CFAP251: variants seen among roughly 807,000 people sequenced by gnomAD.
CFAP251 encodes the protein cilia and flagella associated protein 251, also known as cilia- and flagella-associated protein 251.
In CFAP251, 93 loss-of-function variants were observed where a neutral mutation model predicts 126.7. The observed-to-expected ratio is 0.73, with a 90% CI of 0.62 to 0.87. The LOEUF (loss-of-function observed/expected upper bound fraction) is 0.87. CFAP251 is among the 40% of genes least tolerant of loss of function. The pLI, the probability that CFAP251 is intolerant of heterozygous loss-of-function variation, is 0.00. For missense variants in CFAP251, 1,287 were observed against 1,389.2 expected, an observed-to-expected ratio of 0.93 and a Z score of 1.17; for synonymous variants, 503 against 506.9, an observed-to-expected ratio of 0.99 and a Z score of 0.10.
In CFAP251 at chr12:121,989,716, G is replaced by A. The variant is rs1038596037; in HGVS notation, c.3007-10000G>A. On this transcript the variant is annotated intron_variant, in intron 19 of 21. Coordinates refer to ENST00000288912, the MANE Select transcript of CFAP251 (RefSeq NM_144668.6). This position sits in a 1 kb window ranked among gnomAD's most constrained non-coding sequence, Gnocchi z 4.2. ...GGGTATTGTGCGTTGGGAAGAGGGC[G>A]TGGGGAAGAGGGTGAGTGCTCCCAG... is the stretch of plus-strand genomic sequence containing the variant. Among the ~76,000 whole-genome samples, 11 of 152,136 alleles carry A rather than the reference G, an allele frequency of 7.2e-5. No homozygotes were observed. The highest frequency in any genetic ancestry group is 9.7e-5 in the African/African-American group (4 of 41,416).
intron 20 of CFAP251, 58 bp from the exon 21 acceptor site, chr12:122,001,439 T>G (rs1883147143): frequency 2.2e-6 from 3 of 1,366,974 alleles, no homozygotes; most frequent in Admixed American, 3.4e-5. Flanking sequence ...CGCTAAGCCC[T>G]GACAGTATGC....
At chr12:121,972,582 G>A (rs972161042) in intron 17 of CFAP251, among the ~76,000 whole-genome samples, 21 of 151,380 alleles carry the variant, frequency 1.4e-4, no homozygotes, top group Admixed American at 1.1e-3. Flanking sequence ...TCCACCTCCC[G>A]GGTTCAAGTG....
chr12:121,955,898 A>G (rs529238189), intron 10 of CFAP251: 2 of 152,272 alleles, frequency 1.3e-5, no homozygotes, highest in East Asian at 3.9e-4. Context: ...CCAAGAAGGA[A>G]AAGGTCTCTG....
At chr12:121,939,171 A>T (rs1304485278) in intron 5 of CFAP251, among the ~76,000 whole-genome samples, 1 of 152,094 alleles carries the variant, frequency 6.6e-6, no homozygotes, top group African/African-American at 2.4e-5. Context: ...TGTTGGTGTG[A>T]TGTTTTCCCA....
chr12:121,935,315 C>A (rs1220618173), intron 5 of CFAP251, among the ~76,000 whole-genome samples: 2 of 152,160 alleles, frequency 1.3e-5, no homozygotes, highest in Non-Finnish European at 2.9e-5. Flanking sequence ...TTTAGATTTA[C>A]AGAAGAATTG....
intron 19 of CFAP251, chr12:121,999,265 A>G (rs1883095115): frequency 6.5e-6 from 1 of 154,594 alleles, no homozygotes; most frequent in Non-Finnish European, 1.4e-5. Context: ...ATCATTTTGT[A>G]TGCTCCTGGA....
In CFAP251 at chr12:121,974,593, C is replaced by G. The variant is rs570802382; in HGVS notation, c.2772-651C>G. On this transcript the variant is annotated intron_variant, in intron 17 of 21. Transcript: ENST00000288912. The surrounding 1 kb of genome is among the most constrained non-coding windows in gnomAD (Gnocchi z 4.6). ...TGTGCTTGATGTCGCAGCAAAAAGG[C>G]TAATCACCCGATTAGCAGTAATCCA... Among the ~76,000 whole-genome samples the G allele has an allele frequency of 6.6e-6, 1 of 152,240 alleles. No homozygotes were observed. Among genetic ancestry groups the G allele is most frequent in the African/African-American group, 2.4e-5 (1 of 41,544 alleles).
intron 17 of CFAP251, chr12:121,969,261 G>A: frequency 1.0e-6 from 1 of 985,410 alleles, no homozygotes; most frequent in Non-Finnish European, 1.2e-6. Context: ...AATCTGCTTT[G>A]GAACCACGGT....
chr12:121,957,876 A>T (rs1881784921), intron 11 of CFAP251, among the ~76,000 whole-genome samples: 1 of 152,102 alleles, frequency 6.6e-6, no homozygotes, highest in African/African-American at 2.4e-5. Flanking sequence ...ACTGCAGTTA[A>T]AGGCACTGGA....
intron 19 of CFAP251, among the ~76,000 whole-genome samples, chr12:121,978,292 G>A (rs1163714314): frequency 6.7e-6 from 1 of 148,612 alleles, no homozygotes; most frequent in Admixed American, 6.8e-5. Context: ...TACTCAGGAG[G>A]CTGAGGCAGG....
intron 17 of CFAP251, chr12:121,969,045 CTG>C: frequency 1.0e-6 from 1 of 985,348 alleles, no homozygotes; most frequent in Non-Finnish European, 1.2e-6. Flanking sequence ...CCTGCGCTGC[CTG>C]TGGCTCGGCT....
At chr12:121,987,193 C>G (rs1166025492) in intron 19 of CFAP251, among the ~76,000 whole-genome samples, 2 of 152,274 alleles carry the variant, frequency 1.3e-5, no homozygotes, top group East Asian at 3.9e-4. Flanking sequence ...GGGTCTTGCC[C>G]TGAAACGTAA....
At chr12:121,968,848 C>G (rs1882239862) in intron 17 of CFAP251, 1 of 975,744 alleles carries the variant, frequency 1.0e-6, no homozygotes, top group East Asian at 1.1e-4. Flanking sequence ...AAGTACTCGG[C>G]AAGTGAATGA....
chr12:122,000,067 T>C (rs1489335354), intron 20 of CFAP251, 123 bp downstream of exon 20: 3 of 933,110 alleles, frequency 3.2e-6, no homozygotes, highest in Non-Finnish European at 3.2e-6. Flanking sequence ...TTGACCAGAT[T>C]TGAGCCATGA....
In CFAP251 at chr12:121,923,617, T is replaced by C; in HGVS notation, c.379-5T>C. 1 of 1,592,354 alleles carries C rather than the reference T, an allele frequency of 6.3e-7. No homozygotes were observed. Among genetic ancestry groups the C allele is most frequent in the East Asian group, 2.2e-5 (1 of 44,798 alleles). ...GGAATCATGATATTTTATTTCTTTT[T>C]AAAGAAAACCCAAAGAGGTAGCAAG... On this transcript the variant is annotated splice_region_variant and splice_polypyrimidine_tract_variant and intron_variant, in intron 2 of 21. Transcript: ENST00000288912.
intron 19 of CFAP251, among the ~76,000 whole-genome samples, chr12:121,979,341 G>A (rs1275768905): frequency 1.3e-5 from 2 of 152,152 alleles, no homozygotes; most frequent in East Asian, 3.9e-4. Context: ...ATTTTCCAAA[G>A]AGTGTTCCCT....
chr12:121,940,463 T>A (rs1014222302), intron 5 of CFAP251, among the ~76,000 whole-genome samples: 4 of 152,164 alleles, frequency 2.6e-5, no homozygotes, highest in African/African-American at 7.2e-5. Context: ...TACCAGCCAG[T>A]TGGGACCCTA....
chr12:121,973,103 C>T (rs1344424233), intron 17 of CFAP251, among the ~76,000 whole-genome samples: 1 of 152,198 alleles, frequency 6.6e-6, no homozygotes, highest in Non-Finnish European at 1.5e-5. Context: ...TTGGGACAAG[C>T]CCAGGATCCT....
At chr12:121,934,446 C>G in intron 5 of CFAP251, 90 bp downstream of exon 5, 1 of 982,502 alleles carries the variant, frequency 1.0e-6, no homozygotes, top group Non-Finnish European at 1.5e-6. Flanking sequence ...AATGCCAATG[C>G]CTAGAAATTT....
Sources: allele counts gnomAD v4.1 joint callset (sites outside exome capture counted in the v4.1 genomes callset), GRCh38; gene constraint gnomAD v4.1.1; non-coding constraint Gnocchi (gnomAD v3.1); transcripts MANE v1.5; gene names NCBI Gene and HGNC (gene_info 2026-07-23, HGNC 2026-07-21).